Variants in BCAR3 observed in about 807,000 individuals in gnomAD.
The protein encoded by BCAR3 is BCAR3 adaptor protein, NSP family member, also known as breast cancer anti-estrogen resistance protein 3.
BCAR3 carries 37 observed loss-of-function variants against 80.1 expected under a neutral mutation model. That is an observed-to-expected ratio of 0.46 (90% confidence interval 0.36 to 0.61). BCAR3 has a LOEUF of 0.61. Ranked by LOEUF, BCAR3 falls within the 20% of genes least tolerant of loss-of-function variation. The pLI is 0.00. For synonymous variants in BCAR3, 389 were observed against 418.9 expected (o/e 0.93, Z 0.87); for missense variants, 978 against 1,068.2 (o/e 0.92, Z 1.18).
chr1:93,650,214 G>C (rs1676279647), intron 2 of BCAR3, among the ~76,000 whole-genome samples: 1 of 152,150 alleles, frequency 6.6e-6, no homozygotes, highest in Non-Finnish European at 1.5e-5. Flanking sequence ...GTGAAACCTA[G>C]TCTCTACTAA....
intron 1 of BCAR3, 46 bp downstream of exon 1, chr1:93,681,552 G>A (rs1443755176): frequency 6.6e-6 from 1 of 152,146 alleles, no homozygotes; most frequent in African/African-American, 2.4e-5. Flanking sequence ...AGGCGCCCCG[G>A]GAGGAACAGC....
At chr1:93,764,268 C>A (rs1465696631) in intron 2 of BCAR3, among the ~76,000 whole-genome samples, 1 of 152,030 alleles carries the variant, frequency 6.6e-6, no homozygotes. Flanking sequence ...TCTTCTCATT[C>A]CTTCCTGTGA....
intron 3 of BCAR3, among the ~76,000 whole-genome samples, chr1:93,622,179 G>T (rs116320564): frequency 8.5e-5 from 13 of 152,134 alleles, no homozygotes; most frequent in African/African-American, 2.9e-4. Flanking sequence ...GATTACAGGC[G>T]TGAGCCACCA....
At position 93,668,036 on chromosome 1, in the gene BCAR3, G is replaced by A. The variant is rs144621663; in HGVS notation, c.317+6578C>T. Reference sequence around the variant, plus strand: ...CAAGGTGTTTCAACATATATTGAGGGGCGTGAAAAACCCAGAAGACTAAAA... The same window carrying A: ...CAAGGTGTTTCAACATATATTGAGGAGCGTGAAAAACCCAGAAGACTAAAA... On this transcript the variant is annotated intron_variant, in intron 2 of 11. Transcript: ENST00000260502. 2.9e-3 allele frequency among the ~76,000 whole-genome samples: 446 copies of A among 152,230 alleles called. 1 individual carries two copies. The highest frequency in any genetic ancestry group is 9.5e-3 in the African/African-American group (394 of 41,514).
At chr1:93,595,673 T>G (rs187264883) in intron 3 of BCAR3, among the ~76,000 whole-genome samples, 1 of 152,370 alleles carries the variant, frequency 6.6e-6, no homozygotes, top group African/African-American at 2.4e-5. Flanking sequence ...AACTGTGATT[T>G]TGCCACTTTA....
intron 3 of BCAR3, among the ~76,000 whole-genome samples, chr1:93,631,486 A>T (rs936728410): frequency 6.6e-6 from 1 of 152,208 alleles, no homozygotes; most frequent in African/African-American, 2.4e-5. Flanking sequence ...GCAAAGCCCC[A>T]GAGACACTAG....
chr1:93,845,492 A>G (rs1286230772), intron 2 of BCAR3: 5,959 of 35,398 alleles, frequency 0.17, 1,002 homozygotes, highest in African/African-American at 0.4. Flanking sequence ...ATATATATAT[A>G]TATATATATA....
chr1:93,600,073 C>T (rs916093655), intron 3 of BCAR3, among the ~76,000 whole-genome samples: 4 of 152,234 alleles, frequency 2.6e-5, no homozygotes, highest in Admixed American at 6.5e-5. Flanking sequence ...CTAAGGCCGA[C>T]ATGACAGCCA....
At chr1:93,702,351 A>G (rs1557659869) in intron 3 of BCAR3, among the ~76,000 whole-genome samples, 1 of 152,200 alleles carries the variant, frequency 6.6e-6, no homozygotes, top group Non-Finnish European at 1.5e-5. Flanking sequence ...CATGGGCCAC[A>G]GAGGAGTCTT....
intron 2 of BCAR3, among the ~76,000 whole-genome samples, chr1:93,719,747 T>C (rs1650322986): frequency 6.6e-6 from 1 of 152,162 alleles, no homozygotes; most frequent in Non-Finnish European, 1.5e-5. Flanking sequence ...TTTGAACCTG[T>C]ACATAGACAA....
chr1:93,703,997 C>T (rs979417953), intron 3 of BCAR3, among the ~76,000 whole-genome samples: 1 of 152,194 alleles, frequency 6.6e-6, no homozygotes, highest in African/African-American at 2.4e-5. Context: ...TTCAGTTATT[C>T]ACACTAGCCA....
chr1:93,678,307 A>G (rs1267885516), intron 1 of BCAR3, among the ~76,000 whole-genome samples: 1 of 152,234 alleles, frequency 6.6e-6, no homozygotes, highest in Non-Finnish European at 1.5e-5. Context: ...AAGGAGTATC[A>G]TTCAATCAAT....
chr1:93,603,652 G>C (rs1212774024), intron 3 of BCAR3, among the ~76,000 whole-genome samples: 1 of 152,112 alleles, frequency 6.6e-6, no homozygotes, highest in African/African-American at 2.4e-5. Flanking sequence ...AAATAGTCAG[G>C]GGCTCCATTT....
At chr1:93,627,644 G>A (rs1189343783) in intron 3 of BCAR3, among the ~76,000 whole-genome samples, 2 of 151,996 alleles carry the variant, frequency 1.3e-5, no homozygotes, top group Non-Finnish European at 2.9e-5. Context: ...GGTATATAAT[G>A]GGTTTATTCT....
intron 2 of BCAR3, among the ~76,000 whole-genome samples, chr1:93,831,604 C>T (rs1488349610): frequency 6.6e-6 from 1 of 152,158 alleles, no homozygotes; most frequent in Non-Finnish European, 1.5e-5. Flanking sequence ...AATCTTTCTT[C>T]TTTCTCTCCT....
intron 2 of BCAR3, among the ~76,000 whole-genome samples, chr1:93,768,660 C>T (rs1020539141): frequency 5.9e-5 from 9 of 152,176 alleles, no homozygotes; most frequent in African/African-American, 2.2e-4. Context: ...AAGACAGCAG[C>T]GATGAGAGAT....
chr1:93,613,922 C>G, intron 3 of BCAR3: 18 of 1,550,454 alleles, frequency 1.2e-5, no homozygotes, highest in Non-Finnish European at 1.6e-5. Flanking sequence ...CACTGCATTC[C>G]TTAGGCATCT....
At chr1:93,750,526 T>C (rs2100708300) in intron 2 of BCAR3, among the ~76,000 whole-genome samples, 1 of 152,360 alleles carries the variant, frequency 6.6e-6, no homozygotes, top group South Asian at 2.1e-4. Flanking sequence ...TCTCTTTGAA[T>C]ACAGACAGCT....
intron 2 of BCAR3, among the ~76,000 whole-genome samples, chr1:93,747,785 T>C (rs1272041994): frequency 6.6e-6 from 1 of 151,690 alleles, no homozygotes; most frequent in African/African-American, 2.4e-5. Flanking sequence ...GACACTCAGG[T>C]TCCATCTCCT....
Sources: gnomAD v4.1 joint callset for allele counts (sites outside exome capture counted in the v4.1 genomes callset) on GRCh38, gnomAD v4.1.1 for gene constraint, MANE v1.5 for transcripts, NCBI Gene and HGNC (gene_info 2026-07-23, HGNC 2026-07-21) for gene names.